TTLL7: variants seen among roughly 807,000 people sequenced by gnomAD.
TTLL7 encodes tubulin tyrosine ligase like 7.
In TTLL7, 53 loss-of-function variants were observed where a neutral mutation model predicts 120.2. That is an observed-to-expected ratio of 0.44 (90% CI 0.35 to 0.55). The LOEUF (loss-of-function observed/expected upper bound fraction) is 0.55, where lower values mean the gene tolerates loss of function less well. TTLL7 is among the 20% of genes least tolerant of loss of function. The pLI, the probability that TTLL7 is intolerant of heterozygous loss-of-function variation, is 0.00. For missense variants in TTLL7, 803 were observed against 1,054.7 expected (o/e 0.76, Z 3.31); for synonymous variants, 353 against 351.7 (o/e 1.00, Z -0.04).
chr1:83,904,766 T>C (rs892330635), intron 17 of TTLL7, among the ~76,000 whole-genome samples: 2 of 152,236 alleles, frequency 1.3e-5, no homozygotes, highest in Admixed American at 6.6e-5. Context: ...TAATAAAATA[T>C]TGAATAATGC....
At chr1:83,989,150 G>C (rs1262918829) in intron 1 of TTLL7, among the ~76,000 whole-genome samples, 1 of 152,146 alleles carries the variant, frequency 6.6e-6, no homozygotes, top group African/African-American at 2.4e-5. Flanking sequence ...TCTGCTGTTA[G>C]TTTATTTTGC....
chr1:83,955,601 G>C (rs1229703321), intron 1 of TTLL7, among the ~76,000 whole-genome samples: 1 of 152,170 alleles, frequency 6.6e-6, no homozygotes, highest in African/African-American at 2.4e-5. Context: ...CCACCACCTT[G>C]ATGTGGACTT....
rs1242836807 is a variant in TTLL7 at position 83,947,237 on chromosome 1, A to T, written c.393T>A (p.Thr131=). The part of the protein sequence containing the change: ...RPLDYTFVPR[T]WIFPAEYTQF... ...GAGTATATTCAGCAGGAAAGATCCA[A>T]GTTCGAGGAACAAAGGTATAATCCA... Residue 131 remains threonine, a synonymous_variant, in exon 6 of 21, where the codon ACT becomes ACA. Coordinates refer to ENST00000260505, the MANE Select transcript of TTLL7 (RefSeq NM_024686.6). The T allele has an allele frequency of 1.2e-6, 2 of 1,612,444 alleles. No individual in the cohort carries two copies. The highest frequency in any genetic ancestry group is 1.7e-6 in the Non-Finnish European group (2 of 1,179,506).
chr1:83,928,193 A>C (rs2100811780), intron 10 of TTLL7, among the ~76,000 whole-genome samples: 1 of 152,308 alleles, frequency 6.6e-6, no homozygotes, highest in East Asian at 1.9e-4. Context: ...TTAAATAATA[A>C]TAGTAAACTT....
chr1:83,914,165 T>C lies in TTLL7; in HGVS notation c.1588-2802A>G, dbSNP rs6686300. On this transcript the variant is annotated intron_variant, in intron 14 of 20. Transcript: ENST00000260505. Reference sequence around the variant, plus strand: ...CTCCACCAGATAAGTATCTTATCTCTTAACCAGGCTCACCTGTATCATTTC... The same window carrying C: ...CTCCACCAGATAAGTATCTTATCTCCTAACCAGGCTCACCTGTATCATTTC... 7.2e-3 allele frequency among the ~76,000 whole-genome samples: 1,092 copies of C among 152,210 alleles called. 19 individuals carry two copies. The highest frequency in any genetic ancestry group is 0.025 in the African/African-American group (1,045 of 41,534).
chr1:83,925,819 G>C (rs930279069), intron 10 of TTLL7, among the ~76,000 whole-genome samples: 1 of 151,920 alleles, frequency 6.6e-6, no homozygotes, highest in South Asian at 2.1e-4. Context: ...CAAATCATAG[G>C]CTCTTTAAAA....
At chr1:83,981,973 G>C (rs114853260) in intron 1 of TTLL7, among the ~76,000 whole-genome samples, 1 of 152,136 alleles carries the variant, frequency 6.6e-6, no homozygotes, top group African/African-American at 2.4e-5. Flanking sequence ...ATTGACATTA[G>C]ACATTCTACT....
At chr1:83,935,537 G>GT (rs35567530) in intron 8 of TTLL7, among the ~76,000 whole-genome samples, 39 of 149,494 alleles carry the variant, frequency 2.6e-4, no homozygotes, top group East Asian at 9.9e-4. Context: ...AGTAAGGATA[G>GT]TTTTTTTTTT....
intron 1 of TTLL7, among the ~76,000 whole-genome samples, chr1:83,987,684 A>C (rs1158974108): frequency 6.6e-6 from 1 of 152,218 alleles, no homozygotes; most frequent in Non-Finnish European, 1.5e-5. Flanking sequence ...AAAAGCAAAA[A>C]TAAACAAATG....
chr1:83,990,434 C>T (rs1170302765), intron 1 of TTLL7, among the ~76,000 whole-genome samples: 1 of 152,062 alleles, frequency 6.6e-6, no homozygotes, highest in Non-Finnish European at 1.5e-5. Context: ...CTCGGCCTCC[C>T]AAAGTGCTGG....
chr1:83,992,791 CTT>C (rs367737528), intron 1 of TTLL7, among the ~76,000 whole-genome samples: 294 of 101,540 alleles, frequency 2.9e-3, no homozygotes, highest in African/African-American at 0.01. Flanking sequence ...TATTCAAGTT[CTT>C]TTTTTTTTTT....
intron 1 of TTLL7, among the ~76,000 whole-genome samples, chr1:83,993,632 CA>C (rs1180201114): frequency 4.6e-5 from 7 of 152,286 alleles, no homozygotes; most frequent in African/African-American, 1.2e-4. Context: ...TCACCAATTT[CA>C]AAAGAAAGGA....
At position 83,923,479 on chromosome 1, in the gene TTLL7, T is replaced by C. The variant is rs373521186; in HGVS notation, c.1143-2085A>G. ...TGAAAAAAATAAACACAGATCTATATGAATATCTACAGCAAACAAAACACT... is the reference window on the plus strand; with the variant it reads ...TGAAAAAAATAAACACAGATCTATACGAATATCTACAGCAAACAAAACACT... On this transcript the variant is annotated intron_variant, in intron 10 of 20. Transcript: ENST00000260505. Among the ~76,000 whole-genome samples, 24 of 152,122 alleles carry C rather than the reference T, an allele frequency of 1.6e-4. 1 individual carries two copies. The South Asian group carries it at 4.8e-3, about 30-fold the overall frequency.
chr1:83,944,355 T>C (rs1648268744), intron 6 of TTLL7, among the ~76,000 whole-genome samples: 2 of 152,302 alleles, frequency 1.3e-5, no homozygotes, highest in South Asian at 4.1e-4. Context: ...TCAAGATACA[T>C]TATATACATT....
chr1:83,966,917 T>C (rs185638977), intron 1 of TTLL7, among the ~76,000 whole-genome samples: 18 of 152,188 alleles, frequency 1.2e-4, no homozygotes, highest in African/African-American at 3.9e-4. Flanking sequence ...GGCCAGAGAA[T>C]GATGTTGTGT....
chr1:83,921,090 T>C lies in TTLL7; in HGVS notation c.1361A>G (p.Tyr454Cys). 1 of 1,612,256 alleles carries C rather than the reference T, an allele frequency of 6.2e-7. No individual in the cohort carries two copies. The highest frequency in any genetic ancestry group is 8.5e-7 in the Non-Finnish European group (1 of 1,179,310). The change falls in exon 12 of 21, where the codon TAT (tyrosine) becomes TGT (cysteine). Residue 454 changes from tyrosine (Y) to cysteine (C), a missense_variant. Physicochemically the swap from Tyr to Cys is radical, Grantham distance 194. Coordinates refer to ENST00000260505, the MANE Select transcript of TTLL7 (RefSeq NM_024686.6). The stretch of plus-strand genomic sequence containing the variant: ...ACAAAAATAGCAGCACAGTTACCTA[T>C]AATTCCCCATATGTCGATTTTCATG... ...EEHENRHMGNYRRIYPPEDKA... is the reference protein window; with the variant it reads ...EEHENRHMGNCRRIYPPEDKA...
In TTLL7 at chr1:83,867,105, A is replaced by G. The variant is rs966450238; in HGVS notation, c.*2857T>C. 6.6e-6 allele frequency: 1 copy of G among 152,034 alleles called. No individual in the cohort carries two copies. Among genetic ancestry groups the G allele is most frequent in the African/African-American group, 2.4e-5 (1 of 41,462 alleles). The allele number at this position is 152,034 out of a possible 1,614,324, so 9.4% of individuals were successfully genotyped here. A position where few individuals can be genotyped will look rare whatever the true frequency, so the allele number is the denominator to read the frequency against. Reference sequence around the variant, plus strand: ...TAAGTAGCTTTTGGAGTTTTCAAATAAAGCTATTTTCTCTCCTAGAAAAGG... The same window carrying G: ...TAAGTAGCTTTTGGAGTTTTCAAATGAAGCTATTTTCTCTCCTAGAAAAGG... On this transcript the variant is annotated 3_prime_UTR_variant, in exon 21 of 21. Transcript: ENST00000260505.
Position 83,907,667 on chromosome 1 carries a change from A to G in TTLL7, c.1787-6T>C. The stretch of plus-strand genomic sequence containing the variant: ...GACTGAACGTCTTATGGAGCCTATC[A>G]GTGATGGAGAAGAGGGATACTACAG... On this transcript the variant is annotated splice_polypyrimidine_tract_variant and splice_region_variant and intron_variant, in intron 15 of 20. Transcript: ENST00000260505. The G allele has an allele frequency of 6.2e-7, 1 of 1,611,456 alleles. No individual in the cohort carries two copies.
chr1:83,970,792 C>A (rs754404498), intron 1 of TTLL7, among the ~76,000 whole-genome samples: 1 of 151,876 alleles, frequency 6.6e-6, no homozygotes, highest in Non-Finnish European at 1.5e-5. Context: ...AGCAGGGAAG[C>A]AAGACAGAGT....
Sources: gnomAD v4.1 joint callset for allele counts (sites outside exome capture counted in the v4.1 genomes callset) on GRCh38, gnomAD v4.1.1 for gene constraint, MANE v1.5 for transcripts, NCBI Gene and HGNC (gene_info 2026-07-23, HGNC 2026-07-21) for gene names.